The following OTOF variants were observed in gnomAD, a reference collection of about 807,000 sequenced individuals.
OTOF encodes the protein otoferlin.
OTOF carries 218 observed loss-of-function variants against 236.8 expected under a neutral mutation model. The ratio of observed to expected loss-of-function variants is 0.92; its 90% CI spans 0.82 to 1.03. The LOEUF is 1.03. Among genes scored for constraint, OTOF ranks in the 50% least tolerant of loss-of-function variants. The pLI is 0.00. For synonymous variants in OTOF, 1,041 were observed against 1,072.5 expected (o/e 0.97, Z 0.57); for missense variants, 2,590 against 2,694.4 (o/e 0.96, Z 0.86).
chr2:26,483,670 G>T (rs1665626186), intron 12 of OTOF, 22 bp from the exon 13 acceptor site: 1 of 1,608,788 alleles, frequency 6.2e-7, no homozygotes, highest in Non-Finnish European at 8.5e-7. Context: ...TACAGCCAGG[G>T]CCATGGTCAC....
At chr2:26,548,469 G>A (rs981272886) in intron 1 of OTOF, among the ~76,000 whole-genome samples, 1 of 152,086 alleles carries the variant, frequency 6.6e-6, no homozygotes, top group African/African-American at 2.4e-5. Context: ...CCATACCCGT[G>A]AGCAGTCACT....
chr2:26,509,134 G>A (rs1666320371), intron 5 of OTOF, among the ~76,000 whole-genome samples: 1 of 152,106 alleles, frequency 6.6e-6, no homozygotes, highest in South Asian at 2.1e-4. Context: ...TGGGAAGCTG[G>A]GCATCAAGAA....
intron 4 of OTOF, among the ~76,000 whole-genome samples, chr2:26,518,728 T>G (rs780959953): frequency 6.6e-5 from 10 of 152,212 alleles, no homozygotes; most frequent in Non-Finnish European, 1.2e-4. Flanking sequence ...CTTTAGTGAC[T>G]CCTGAGCTGG....
intron 1 of OTOF, 84 bp downstream of exon 1, chr2:26,558,409 C>T: frequency 4.1e-6 from 5 of 1,232,588 alleles, no homozygotes; most frequent in Non-Finnish European, 6.0e-6. Context: ...TCCTCCCAGC[C>T]CTGTCCTATC....
At chr2:26,538,752 C>T (rs1323327534) in intron 1 of OTOF, among the ~76,000 whole-genome samples, 1 of 151,242 alleles carries the variant, frequency 6.6e-6, no homozygotes, top group East Asian at 1.9e-4. Context: ...CTCCCACCCA[C>T]AGGTAGCTGA....
intron 30 of OTOF, 71 bp downstream of exon 30, chr2:26,472,448 C>G (rs1269425851): frequency 6.3e-7 from 1 of 1,593,008 alleles, no homozygotes. Context: ...GGCAGATAGT[C>G]TGGTTCACAG....
intron 9 of OTOF, 21 bp from the exon 10 acceptor site, chr2:26,489,761 G>A: frequency 1.2e-6 from 2 of 1,601,422 alleles, no homozygotes; most frequent in Non-Finnish European, 1.7e-6. Flanking sequence ...AAGGATCCAG[G>A]CCTGCTGTCA....
intron 30 of OTOF, 22 bp downstream of exon 30, chr2:26,472,497 G>C (rs1172288792): frequency 3.1e-6 from 5 of 1,613,248 alleles, no homozygotes; most frequent in Admixed American, 1.7e-5. Flanking sequence ...AGCCAGCAGG[G>C]GGCTGACCCC....
chr2:26,527,725 G>T, intron 3 of OTOF, 107 bp downstream of exon 3: 1 of 824,396 alleles, frequency 1.2e-6, no homozygotes, highest in Non-Finnish European at 2.2e-6. Context: ...AGGGCAGGTT[G>T]GGAGTGTAGG....
chr2:26,467,217 A>G lies in OTOF; in HGVS notation c.4244T>C (p.Leu1415Pro). The change falls in exon 35 of 47, where the codon CTG becomes CCG. Residue 1415 changes from leucine to proline, a missense_variant. Leu to Pro is a moderately conservative substitution (Grantham distance 98, BLOSUM62 -3). Around this residue, in one of 2 missense-constraint regions of OTOF, gnomAD observed 1,211 missense variants for 1,352.8 expected, o/e 0.90. Coordinates refer to ENST00000272371, the MANE Select transcript of OTOF (RefSeq NM_194248.3). ...CTCAAAGTTATCAAACTCGGACTCCAGCTCTTTGGGGTATACCTGAGACAG... is the reference window on the plus strand; with the variant it reads ...CTCAAAGTTATCAAACTCGGACTCCGGCTCTTTGGGGTATACCTGAGACAG... ...IDELKVYPKE[L>P]ESEFDNFEDW... is the part of the protein sequence containing the mutation. The G allele has an allele frequency of 6.2e-7, 1 of 1,614,122 alleles. No homozygotes were observed. Among genetic ancestry groups the G allele is most frequent in the East Asian group, 2.2e-5 (1 of 44,876 alleles).
chr2:26,519,034 A>C lies in OTOF; in HGVS notation c.303T>G (p.Ile101Met). The C allele has an allele frequency of 6.2e-7, 1 of 1,609,952 alleles. No individual in the cohort carries two copies. The highest frequency in any genetic ancestry group is 8.5e-7 in the Non-Finnish European group (1 of 1,177,680). Reference sequence around the variant, plus strand: ...CCTTGATGATAGCATTGTTGTCATCAATCAGCGTGTCAGTCACCTCCACAT... The same window carrying C: ...CCTTGATGATAGCATTGTTGTCATCCATCAGCGTGTCAGTCACCTCCACAT... ...ESHVEVTDTLIDDNNAIIKTS... is the reference protein window; with the variant it reads ...ESHVEVTDTLMDDNNAIIKTS... The change falls in exon 4 of 47, where the codon ATT (isoleucine) becomes ATG (methionine). Residue 101 changes from isoleucine (I) to methionine (M), a missense_variant. Ile to Met is a conservative substitution (Grantham distance 10). This residue lies in a region of OTOF where 1,379 missense variants were observed against 1,341.6 expected (regional missense o/e 1.03). Coordinates refer to ENST00000272371, the MANE Select transcript of OTOF (RefSeq NM_194248.3).
chr2:26,482,679 G>T, intron 13 of OTOF, 87 bp from the exon 14 acceptor site: 1 of 1,120,350 alleles, frequency 8.9e-7, no homozygotes, highest in African/African-American at 1.5e-5. Flanking sequence ...GCATGTGTGC[G>T]TGAGTGGGCA....
chr2:26,552,985 T>C (rs534349627), intron 1 of OTOF, among the ~76,000 whole-genome samples: 20 of 152,310 alleles, frequency 1.3e-4, no homozygotes, highest in African/African-American at 4.6e-4. Context: ...GCACTGGGTA[T>C]TCTGCCTCCT....
chr2:26,532,940 GA>G (rs1227163518), intron 2 of OTOF, among the ~76,000 whole-genome samples: 3 of 152,168 alleles, frequency 2.0e-5, no homozygotes, highest in Non-Finnish European at 4.4e-5. Context: ...AGGTTTGGGG[GA>G]AAATATTGAG....
chr2:26,485,484 T>G (rs1003212774), intron 11 of OTOF, among the ~76,000 whole-genome samples: 1 of 152,172 alleles, frequency 6.6e-6, no homozygotes, highest in Non-Finnish European at 1.5e-5. Context: ...CATCCCAGTG[T>G]CCCATGACCT....
At chr2:26,530,291 C>T (rs899262324) in intron 2 of OTOF, among the ~76,000 whole-genome samples, 32 of 151,782 alleles carry the variant, frequency 2.1e-4, no homozygotes, top group Admixed American at 5.2e-4. Flanking sequence ...TGCCTGGCTG[C>T]GGGGCGAGGG....
intron 8 of OTOF, among the ~76,000 whole-genome samples, chr2:26,501,181 A>G (rs1666108098): frequency 1.3e-5 from 2 of 152,170 alleles, no homozygotes; most frequent in Admixed American, 1.3e-4. Flanking sequence ...CCACATTCAC[A>G]TTCTTACAGC....
intron 40 of OTOF, among the ~76,000 whole-genome samples, 157 bp from the exon 41 acceptor site, chr2:26,463,728 A>G (rs1323941913): frequency 1.3e-5 from 2 of 152,184 alleles, no homozygotes; most frequent in South Asian, 2.1e-4. Context: ...CCAATAGCCA[A>G]TCACAGCTTC....
At chr2:26,528,984 T>A (rs1276481620) in intron 2 of OTOF, among the ~76,000 whole-genome samples, 1 of 152,210 alleles carries the variant, frequency 6.6e-6, no homozygotes. Flanking sequence ...CCTGCCACTG[T>A]TGGCTGTGGC....
Sources: gnomAD v4.1 joint callset for allele counts (sites outside exome capture counted in the v4.1 genomes callset) on GRCh38, gnomAD v4.1.1 for gene constraint, gnomAD v4.1.1 regional missense constraint, MANE v1.5 for transcripts, NCBI Gene and HGNC (gene_info 2026-07-23, HGNC 2026-07-21) for gene names.